The following AGAP1 variants were observed in gnomAD, a reference collection of about 807,000 sequenced individuals.
AGAP1 encodes ArfGAP with GTPase domain, ankyrin repeat and PH domain 1.
AGAP1 carries 29 observed loss-of-function variants against 105.3 expected under a neutral mutation model. The ratio of observed to expected loss-of-function variants is 0.28; its 90% CI spans 0.21 to 0.38. The LOEUF (loss-of-function observed/expected upper bound fraction) is 0.38, where lower values mean the gene tolerates loss of function less well. AGAP1 is among the 10% of genes least tolerant of loss of function. The pLI, the probability that AGAP1 is intolerant of heterozygous loss-of-function variation, is 1.00. For missense variants in AGAP1, 998 were observed against 1,165.1 expected (o/e 0.86, Z 2.09); for synonymous variants, 509 against 485.9 (o/e 1.05, Z -0.63).
intron 1 of AGAP1, among the ~76,000 whole-genome samples, chr2:235,702,934 G>GTTTTTTTTGTTTTTTTTTTTTTTT (rs1950326916): frequency 3.4e-5 from 3 of 88,946 alleles, no homozygotes; most frequent in Non-Finnish European, 4.4e-5. Context: ...AGTTTTCTTG[G>GTTTTTTTTGTTTTTTTTTTTTTTT]TTTTTTTTTT....
intron 8 of AGAP1, among the ~76,000 whole-genome samples, chr2:235,802,243 C>T (rs1384882465): frequency 6.6e-6 from 1 of 152,166 alleles, no homozygotes; most frequent in Non-Finnish European, 1.5e-5. Context: ...ATTCACCCTG[C>T]AGACACACAG....
chr2:235,767,828 G>A (rs1221069463), intron 6 of AGAP1, among the ~76,000 whole-genome samples: 1 of 137,458 alleles, frequency 7.3e-6, no homozygotes, highest in African/African-American at 2.9e-5. Flanking sequence ...TCTGTCGCCC[G>A]GGCTGGAGTA....
chr2:236,069,406 C>A (rs948365209), intron 16 of AGAP1, among the ~76,000 whole-genome samples: 1 of 152,034 alleles, frequency 6.6e-6, no homozygotes, highest in African/African-American at 2.4e-5. Flanking sequence ...ATGAGCATAG[C>A]ACATGATATA....
chr2:236,084,224 G>C (rs543170185), intron 16 of AGAP1, among the ~76,000 whole-genome samples: 1 of 136,054 alleles, frequency 7.4e-6, no homozygotes, highest in Non-Finnish European at 1.7e-5. Flanking sequence ...CCTGAAGGGC[G>C]GGGGGGGGTC....
chr2:235,667,897 T>C (rs1410387608), intron 1 of AGAP1, among the ~76,000 whole-genome samples: 1 of 140,500 alleles, frequency 7.1e-6, no homozygotes, highest in Non-Finnish European at 1.5e-5. Context: ...AGGTGGAGGT[T>C]GCAGGAGCCG....
chr2:235,629,386 A>G (rs1946751247), intron 1 of AGAP1, among the ~76,000 whole-genome samples: 1 of 151,620 alleles, frequency 6.6e-6, no homozygotes, highest in South Asian at 2.1e-4. Context: ...CTTGAGATGC[A>G]ACAGGATCAG....
At chr2:235,715,229 A>G (rs987490022) in intron 2 of AGAP1, among the ~76,000 whole-genome samples, 1 of 151,884 alleles carries the variant, frequency 6.6e-6, no homozygotes, top group Non-Finnish European at 1.5e-5. Context: ...TCATCCATCT[A>G]TCCATCGACC....
In AGAP1 at chr2:235,867,572, T is replaced by TGTGC. The variant is rs1553655422; in HGVS notation, c.1051-15772_1051-15769dup. On this transcript the variant is annotated intron_variant, in intron 9 of 17. Coordinates refer to ENST00000304032, the MANE Select transcript of AGAP1 (RefSeq NM_001037131.3). The surrounding 1 kb of genome is among the most constrained non-coding windows in gnomAD (Gnocchi z 5.4). ...GTGTGTGTGTGTGTGTGTGTGTGTG[T>TGTGC]GTGCAAGTGAGGGAGGGTGACCCCC... 1.7e-3 allele frequency among the ~76,000 whole-genome samples: 250 copies of TGTGC among 148,468 alleles called. 2 individuals carry two copies. The highest frequency in any genetic ancestry group is 3.7e-3 in the South Asian group (17 of 4,642).
chr2:235,719,509 A>G lies in AGAP1; in HGVS notation c.310+1865A>G, dbSNP rs1302177391. ...TGTGGGGTGACCTAAACTGATCACT[A>G]ACATCCCTGCTTCTTTGATTTTTCA... On this transcript the variant is annotated intron_variant, in intron 3 of 17. Coordinates refer to ENST00000304032, the MANE Select transcript of AGAP1 (RefSeq NM_001037131.3). This position sits in a 1 kb window ranked among gnomAD's most constrained non-coding sequence, Gnocchi z 4.9. Among the ~76,000 whole-genome samples, 2 of 152,160 alleles carry G rather than the reference A, an allele frequency of 1.3e-5. No individual in the cohort carries two copies. Among genetic ancestry groups the G allele is most frequent in the Non-Finnish European group, 2.9e-5 (2 of 68,028 alleles).
chr2:235,563,281 C>T (rs1350539885), intron 1 of AGAP1, among the ~76,000 whole-genome samples: 1 of 152,106 alleles, frequency 6.6e-6, no homozygotes, highest in African/African-American at 2.4e-5. Context: ...TCCGTCCTGC[C>T]CCCCTTTGCT....
intron 8 of AGAP1, among the ~76,000 whole-genome samples, chr2:235,800,693 C>A (rs1408366716): frequency 6.6e-6 from 1 of 152,164 alleles, no homozygotes; most frequent in African/African-American, 2.4e-5. Flanking sequence ...GGACATTTGG[C>A]AACTTCTGGA....
chr2:235,848,538 A>G (rs992246051), intron 9 of AGAP1, among the ~76,000 whole-genome samples: 2 of 152,236 alleles, frequency 1.3e-5, no homozygotes, highest in Non-Finnish European at 1.5e-5. Context: ...TTCACAGTGA[A>G]ACTAATAATC....
At chr2:235,921,042 T>C (rs2052158740) in intron 11 of AGAP1, among the ~76,000 whole-genome samples, 1 of 152,196 alleles carries the variant, frequency 6.6e-6, no homozygotes, top group Non-Finnish European at 1.5e-5. Flanking sequence ...TTAAGAAAAT[T>C]AATTAGCAAC....
At position 235,659,586 on chromosome 2, in the gene AGAP1, C is replaced by G. The variant is rs1279198060; in HGVS notation, c.164-49593C>G. On this transcript the variant is annotated intron_variant, in intron 1 of 17. Coordinates refer to ENST00000304032, the MANE Select transcript of AGAP1 (RefSeq NM_001037131.3). This position sits in a 1 kb window ranked among gnomAD's most constrained non-coding sequence, Gnocchi z 5.0. Reference sequence around the variant, plus strand: ...TCCCTTTGCAGCTCCCCTGAACGTGCCATTTGAAGCATAGCAACCATTACT... The same window carrying G: ...TCCCTTTGCAGCTCCCCTGAACGTGGCATTTGAAGCATAGCAACCATTACT... 6.6e-6 allele frequency among the ~76,000 whole-genome samples: 1 copy of G among 152,190 alleles called. No individual in the cohort carries two copies.
rs2125399049 is a variant in AGAP1 at position 235,979,136 on chromosome 2, T to A, written c.1645+10513T>A. On this transcript the variant is annotated intron_variant, in intron 13 of 17. Transcript: ENST00000304032. This position sits in a 1 kb window ranked among gnomAD's most constrained non-coding sequence, Gnocchi z 4.5. ...TATTTGTGGGGTTTTTTTGTTGTTG[T>A]TTTTGTTTTTTTTTTTTTGGGATAT... 6.7e-6 allele frequency among the ~76,000 whole-genome samples: 1 copy of A among 148,946 alleles called. No individual in the cohort carries two copies. The highest frequency in any genetic ancestry group is 3.5e-3 in the Middle Eastern group (1 of 286).
At chr2:235,698,217 G>C (rs1044777434) in intron 1 of AGAP1, among the ~76,000 whole-genome samples, 10 of 152,260 alleles carry the variant, frequency 6.6e-5, no homozygotes, top group Admixed American at 5.9e-4. Context: ...AGGAGGCGGG[G>C]CTCAGGAGGT....
Position 235,690,203 on chromosome 2 carries a change from T to G in AGAP1, c.164-18976T>G, listed in dbSNP as rs940772912. On this transcript the variant is annotated intron_variant, in intron 1 of 17. Coordinates refer to ENST00000304032, the MANE Select transcript of AGAP1 (RefSeq NM_001037131.3). This position sits in a 1 kb window ranked among gnomAD's most constrained non-coding sequence, Gnocchi z 4.1. ...TTGGAGCCAGTCCAGTGGCTTCACT[T>G]TTACCACTCAGAGAACTTTAGTACA... Among the ~76,000 whole-genome samples, 1 of 151,994 alleles carries G rather than the reference T, an allele frequency of 6.6e-6. No homozygotes were observed. Among genetic ancestry groups the G allele is most frequent in the African/African-American group, 2.4e-5 (1 of 41,378 alleles).
chr2:235,554,282 A>G (rs1422854888), intron 1 of AGAP1, among the ~76,000 whole-genome samples: 1 of 152,166 alleles, frequency 6.6e-6, no homozygotes, highest in Non-Finnish European at 1.5e-5. Context: ...GCTGCTCCGC[A>G]CCATTTATTT....
rs111837763 is a variant in AGAP1 at position 235,691,111 on chromosome 2, G to C, written c.164-18068G>C. Among the ~76,000 whole-genome samples, 13 of 152,172 alleles carry C rather than the reference G, an allele frequency of 8.5e-5. No individual in the cohort carries two copies. The highest frequency in any genetic ancestry group is 3.1e-4 in the African/African-American group (13 of 41,458). On this transcript the variant is annotated intron_variant, in intron 1 of 17. Coordinates refer to ENST00000304032, the MANE Select transcript of AGAP1 (RefSeq NM_001037131.3). This position sits in a 1 kb window ranked among gnomAD's most constrained non-coding sequence, Gnocchi z 4.4. ...TCCTCCAGACTCTGCTCCCTAGGCC[G>C]AGGTGAGGCCAGCAAGGAGTCTGCC...
Sources: allele counts gnomAD v4.1 joint callset (sites outside exome capture counted in the v4.1 genomes callset), GRCh38; gene constraint gnomAD v4.1.1; non-coding constraint Gnocchi (gnomAD v3.1); transcripts MANE v1.5; gene names NCBI Gene and HGNC (gene_info 2026-07-23, HGNC 2026-07-21).